ASTN1: variants seen among roughly 807,000 people sequenced by gnomAD.
ASTN1 encodes astrotactin-1.
A neutral mutation model predicts 140.7 loss-of-function variants in ASTN1; 41 were observed. That is an observed-to-expected ratio of 0.29 (90% CI 0.23 to 0.38). The LOEUF is 0.38. Among genes scored for constraint, ASTN1 ranks in the 10% least tolerant of loss-of-function variants. The probability of loss-of-function intolerance (pLI) is 1.00; values close to 1 mark genes in which losing one functional copy is unlikely to be tolerated. For synonymous variants in ASTN1, 640 were observed against 652.2 expected (o/e 0.98, Z 0.29); for missense variants, 1,479 against 1,678.8 (o/e 0.88, Z 2.08).
intron 2 of ASTN1, among the ~76,000 whole-genome samples, chr1:177,041,918 T>C (rs1676993282): frequency 6.6e-6 from 1 of 152,130 alleles, no homozygotes; most frequent in Non-Finnish European, 1.5e-5. Flanking sequence ...TCAACAGCAT[T>C]AAAAACTAGT....
intron 17 of ASTN1, among the ~76,000 whole-genome samples, chr1:176,891,173 T>A (rs1669247689): frequency 6.6e-6 from 1 of 152,230 alleles, no homozygotes; most frequent in Non-Finnish European, 1.5e-5. Flanking sequence ...AAATTACATT[T>A]GTCTGAGTAT....
At chr1:177,044,246 G>A (rs553948385) in intron 2 of ASTN1, among the ~76,000 whole-genome samples, 2 of 148,898 alleles carry the variant, frequency 1.3e-5, no homozygotes, top group Admixed American at 1.3e-4. Flanking sequence ...CTCTCTCCCT[G>A]GCATCCCACC....
chr1:177,110,737 C>T (rs1680786229), intron 1 of ASTN1, among the ~76,000 whole-genome samples: 1 of 152,136 alleles, frequency 6.6e-6, no homozygotes, highest in South Asian at 2.1e-4. Flanking sequence ...GCCTCCAGGT[C>T]ACACATTAGT....
chr1:176,980,204 C>T (rs1237826664), intron 8 of ASTN1, among the ~76,000 whole-genome samples: 1 of 152,004 alleles, frequency 6.6e-6, no homozygotes, highest in Non-Finnish European at 1.5e-5. Context: ...AGAACACATC[C>T]ACTTCAAAGA....
rs746609880 is a variant in ASTN1 at position 177,032,643 on chromosome 1, G to T, written c.678C>A (p.Asn226Lys). The T allele has an allele frequency of 1.2e-6, 2 of 1,614,176 alleles. No homozygotes were observed. The highest frequency in any genetic ancestry group is 2.2e-5 in the East Asian group (1 of 44,876). Residue 226 changes from asparagine to lysine, a missense_variant, in exon 3 of 23, where the codon AAC becomes AAA. By Grantham distance (94) the Asn-to-Lys change is moderately conservative. Coordinates refer to ENST00000361833, the MANE Select transcript of ASTN1 (RefSeq NM_004319.3). ...CCCGGATGCTCAGGGTGCCACTGGA[G>T]TTGTGGCCCTGCACGCGGGCATTGC... ...SLRNARVQGH[N>K]SSGTLSIRET...
chr1:177,032,815 C>A lies in ASTN1; in HGVS notation c.506G>T (p.Cys169Phe), dbSNP rs756721484. 3.1e-6 allele frequency: 5 copies of A among 1,610,128 alleles called. No individual in the cohort carries two copies. Among genetic ancestry groups the A allele is most frequent in the Non-Finnish European group, 8.5e-7 (1 of 1,178,652 alleles). The change falls in exon 3 of 23, where the codon TGC (cysteine) becomes TTC (phenylalanine). Residue 169 changes from cysteine to phenylalanine, a missense_variant. By Grantham distance (205) the Cys-to-Phe change is radical. Around this residue, in one of 3 missense-constraint regions of ASTN1, gnomAD observed 729 missense variants for 860.4 expected, o/e 0.85. Transcript: ENST00000361833. ...GCGAGTATACAGGATCATCACCAGG[C>A]ACAAGATGGACAGCAGCAGAGCGAT... ...GMIALLLSILCLVMILYTRRR... is the reference protein window; with the variant it reads ...GMIALLLSILFLVMILYTRRR...
intron 1 of ASTN1, among the ~76,000 whole-genome samples, chr1:177,155,061 A>G (rs1461368459): frequency 1.3e-5 from 2 of 152,202 alleles, no homozygotes; most frequent in African/African-American, 4.8e-5. Context: ...AAAAGAAAAG[A>G]TGTCAATAAA....
intron 22 of ASTN1, among the ~76,000 whole-genome samples, chr1:176,866,970 T>C (rs1668145222): frequency 6.6e-6 from 1 of 152,222 alleles, no homozygotes; most frequent in African/African-American, 2.4e-5. Flanking sequence ...CAGCCAAATT[T>C]TATTTCCTGC....
intron 8 of ASTN1, among the ~76,000 whole-genome samples, chr1:176,983,417 A>G (rs1268985680): frequency 6.6e-6 from 1 of 152,196 alleles, no homozygotes; most frequent in East Asian, 1.9e-4. Context: ...GGAAAAAGCA[A>G]TTCAGCACCT....
intron 1 of ASTN1, among the ~76,000 whole-genome samples, chr1:177,065,742 G>A (rs756909528): frequency 5.3e-5 from 8 of 152,174 alleles, no homozygotes; most frequent in East Asian, 1.9e-4. Context: ...AACTGTGAAC[G>A]TGGTGAATGC....
intron 1 of ASTN1, among the ~76,000 whole-genome samples, chr1:177,120,104 G>A (rs1681305072): frequency 6.6e-6 from 1 of 152,154 alleles, no homozygotes; most frequent in Non-Finnish European, 1.5e-5. Flanking sequence ...ACCACAATGT[G>A]GCATCAGAGC....
In ASTN1 at chr1:177,069,584, G is replaced by T. The variant is rs1678534184; in HGVS notation, c.284-8319C>A. On this transcript the variant is annotated intron_variant, in intron 1 of 22. Transcript: ENST00000361833. The stretch of plus-strand genomic sequence containing the variant: ...CTTTCTATGGATGCTGCTGGAAGTA[G>T]GTCACTCTACGCTACTCTGTACTGG... Among the ~76,000 whole-genome samples the T allele has an allele frequency of 2.0e-5, 3 of 152,130 alleles. No individual in the cohort carries two copies. In the South Asian group the frequency reaches 6.2e-4, roughly 31 times the overall value.
intron 1 of ASTN1, 100 bp from the exon 2 acceptor site, chr1:177,061,365 A>C (rs1159812617): frequency 8.4e-7 from 1 of 1,185,842 alleles, no homozygotes; most frequent in East Asian, 2.7e-5. Context: ...TTTCGTCTGA[A>C]GCCAACAGAA....
chr1:176,882,539 C>T (rs1571452277), intron 20 of ASTN1, among the ~76,000 whole-genome samples: 1 of 72,370 alleles, frequency 1.4e-5, no homozygotes, highest in Non-Finnish European at 2.8e-5. Flanking sequence ...TCTTTCTTCT[C>T]TTTTACAATT....
At chr1:176,907,823 T>G (rs2103055734) in intron 16 of ASTN1, among the ~76,000 whole-genome samples, 1 of 152,294 alleles carries the variant, frequency 6.6e-6, no homozygotes. Flanking sequence ...AGTTAAGAGA[T>G]TACAGTATCA....
intron 17 of ASTN1, among the ~76,000 whole-genome samples, chr1:176,892,540 G>A (rs1483436838): frequency 6.6e-6 from 1 of 152,134 alleles, no homozygotes; most frequent in Admixed American, 6.5e-5. Flanking sequence ...AGTTTGTGCT[G>A]GAAGATGATG....
chr1:177,113,377 C>T (rs1680914397), intron 1 of ASTN1, among the ~76,000 whole-genome samples: 1 of 152,168 alleles, frequency 6.6e-6, no homozygotes, highest in African/African-American at 2.4e-5. Context: ...TGCTTGGAAC[C>T]AGAAATGTTT....
intron 7 of ASTN1, among the ~76,000 whole-genome samples, chr1:177,017,620 G>A (rs1675623756): frequency 6.6e-6 from 1 of 152,230 alleles, no homozygotes; most frequent in Non-Finnish European, 1.5e-5. Context: ...GAACGCATGA[G>A]GCGCCGACTC....
chr1:176,989,702 C>T lies in ASTN1; in HGVS notation c.1524-24465G>A, dbSNP rs750004528. Among the ~76,000 whole-genome samples the T allele has an allele frequency of 8.9e-4, 136 of 152,174 alleles. 1 individual carries two copies. The Middle Eastern group carries it at 0.01, about 11-fold the overall frequency. The stretch of plus-strand genomic sequence containing the variant: ...AGAAAATAAAAGAAAAGAAGGGGTC[C>T]GGCAGGGCCATGACATTTTGCTGAT... On this transcript the variant is annotated intron_variant, in intron 8 of 22. Coordinates refer to ENST00000361833, the MANE Select transcript of ASTN1 (RefSeq NM_004319.3).
Sources: allele counts gnomAD v4.1 joint callset (sites outside exome capture counted in the v4.1 genomes callset), GRCh38; gene constraint gnomAD v4.1.1; regional missense constraint gnomAD v4.1.1; transcripts MANE v1.5; gene names NCBI Gene and HGNC (gene_info 2026-07-23, HGNC 2026-07-21).